The following CFAP54 variants were observed in gnomAD, a reference collection of about 807,000 sequenced individuals.
The protein encoded by CFAP54 is cilia and flagella associated protein 54.
CFAP54 carries 290 observed loss-of-function variants against 370.4 expected under a neutral mutation model. That is an observed-to-expected ratio of 0.78 (90% CI 0.71 to 0.86). The LOEUF is 0.86. Among genes scored for constraint, CFAP54 ranks in the 40% least tolerant of loss-of-function variants. The pLI is 0.00. For missense variants in CFAP54, 3,399 were observed against 3,528.7 expected, an observed-to-expected ratio of 0.96 and a Z score of 0.93; for synonymous variants, 1,206 against 1,236.5, an observed-to-expected ratio of 0.98 and a Z score of 0.52.
At chr12:96,874,620 TA>T (rs746672590) in intron 67 of CFAP54, among the ~76,000 whole-genome samples, 55,790 of 69,028 alleles carry the variant, frequency 0.81, 25,197 homozygotes, top group East Asian at 0.89. Context: ...TGCTTTTTTT[TA>T]TTTTTATTTT....
chr12:96,725,073 C>T (rs1957813573), intron 50 of CFAP54, among the ~76,000 whole-genome samples: 1 of 152,186 alleles, frequency 6.6e-6, no homozygotes, highest in Non-Finnish European at 1.5e-5. Flanking sequence ...GTTTTGGTTA[C>T]TGTAGCCTTG....
chr12:96,502,810 A>G (rs1236619289), intron 2 of CFAP54, among the ~76,000 whole-genome samples: 1 of 152,166 alleles, frequency 6.6e-6, no homozygotes, highest in Non-Finnish European at 1.5e-5. Flanking sequence ...GGTTACAGAA[A>G]TGGGGCATCT....
intron 65 of CFAP54, among the ~76,000 whole-genome samples, chr12:96,823,981 G>T (rs1275772504): frequency 6.6e-6 from 1 of 152,158 alleles, no homozygotes; most frequent in Non-Finnish European, 1.5e-5. Context: ...TATAGATGAA[G>T]GAAAATGATG....
intron 34 of CFAP54, among the ~76,000 whole-genome samples, chr12:96,648,580 C>CTTTTTTTTTTT (rs11303164): frequency 1.7e-5 from 1 of 58,666 alleles, no homozygotes; most frequent in Non-Finnish European, 3.0e-5. Flanking sequence ...AAACAGGGTT[C>CTTTTTTTTTTT]TTTTTTTTTT....
intron 4 of CFAP54, among the ~76,000 whole-genome samples, chr12:96,512,311 A>G (rs61940394): frequency 7.3e-5 from 2 of 27,226 alleles, no homozygotes; most frequent in African/African-American, 2.0e-4. Flanking sequence ...TTATATATAT[A>G]TATATATATA....
intron 11 of CFAP54, among the ~76,000 whole-genome samples, chr12:96,534,779 C>T (rs1360844918): frequency 2.6e-5 from 4 of 152,270 alleles, no homozygotes; most frequent in Non-Finnish European, 4.4e-5. Flanking sequence ...TATTGCATGG[C>T]TTATCAGTTG....
intron 60 of CFAP54, among the ~76,000 whole-genome samples, chr12:96,771,692 C>A (rs545521228): frequency 1.6e-3 from 250 of 152,030 alleles, no homozygotes; most frequent in African/African-American, 3.8e-3. Context: ...CAAAAAAAAA[C>A]CCCACTTTAG....
intron 40 of CFAP54, among the ~76,000 whole-genome samples, chr12:96,681,609 A>G (rs1287621591): frequency 1.3e-5 from 2 of 151,672 alleles, no homozygotes; most frequent in African/African-American, 4.8e-5. Context: ...TGTCTTGCCC[A>G]GGCTGGAGTG....
chr12:96,857,808 C>G (rs1099729), intron 66 of CFAP54, among the ~76,000 whole-genome samples: 1 of 152,170 alleles, frequency 6.6e-6, no homozygotes, highest in South Asian at 2.1e-4. Context: ...GCCATAATTA[C>G]AAGTTTCCTG....
chr12:96,728,726 G>A (rs964631745), intron 50 of CFAP54, among the ~76,000 whole-genome samples: 2 of 152,192 alleles, frequency 1.3e-5, no homozygotes, highest in Admixed American at 6.5e-5. Context: ...GTGAGTAACT[G>A]TGTTCCTTTG....
intron 44 of CFAP54, among the ~76,000 whole-genome samples, chr12:96,693,424 A>G (rs1957409261): frequency 6.6e-6 from 1 of 152,198 alleles, no homozygotes; most frequent in South Asian, 2.1e-4. Flanking sequence ...TTTTCAAGGA[A>G]GATAATTGAT....
intron 26 of CFAP54, among the ~76,000 whole-genome samples, chr12:96,607,359 C>T (rs1192361237): frequency 6.6e-6 from 1 of 151,626 alleles, no homozygotes; most frequent in Non-Finnish European, 1.5e-5. Flanking sequence ...GCAGAGAGCA[C>T]TTTTAAGGAG....
chr12:96,635,839 G>C (rs1480284336), intron 32 of CFAP54, among the ~76,000 whole-genome samples: 2 of 152,154 alleles, frequency 1.3e-5, no homozygotes, highest in Non-Finnish European at 2.9e-5. Context: ...CATACCAAGG[G>C]CAAAGTCCAG....
chr12:96,848,663 A>G (rs1393503709), intron 66 of CFAP54, among the ~76,000 whole-genome samples: 4 of 152,146 alleles, frequency 2.6e-5, no homozygotes, highest in African/African-American at 9.6e-5. Flanking sequence ...GCACCACTGC[A>G]CTCCAGCCTG....
At chr12:96,674,442 G>A (rs718909) in intron 39 of CFAP54, among the ~76,000 whole-genome samples, 132,838 of 150,878 alleles carry the variant, frequency 0.88, 58,664 homozygotes, top group East Asian at 0.96. Context: ...ATCCATGGAC[G>A]TTTTCAGAGA....
chr12:96,503,219 CT>C lies in CFAP54; in HGVS notation c.424-659del, dbSNP rs200160539. ...TCTTTCTCTTTCTTCCTTTCCTTTC[CT>C]TTTTTTTCCTTCCTTTCTTTCTCTC... On this transcript the variant is annotated intron_variant, in intron 2 of 67. Coordinates refer to ENST00000524981, the MANE Select transcript of CFAP54 (RefSeq NM_001306084.2). Among the ~76,000 whole-genome samples, 1,060 of 133,572 alleles carry C rather than the reference CT, an allele frequency of 7.9e-3. 15 individuals are homozygous for C. In the East Asian group the frequency reaches 0.099, roughly 12 times the overall value. The allele number at this position is 133,572 out of a possible 152,430, so 87.6% of individuals were successfully genotyped here.
At chr12:96,679,882 C>T in intron 40 of CFAP54, 130 bp downstream of exon 40, 1 of 889,760 alleles carries the variant, frequency 1.1e-6, no homozygotes, top group Non-Finnish European at 1.7e-6. Flanking sequence ...TTTCACTTTC[C>T]TCTTGTCCAG....
intron 4 of CFAP54, among the ~76,000 whole-genome samples, chr12:96,512,216 G>T (rs1034595827): frequency 1.3e-5 from 2 of 148,304 alleles, no homozygotes; most frequent in Non-Finnish European, 3.0e-5. Flanking sequence ...TGAGTATTTT[G>T]CCATGCTGAT....
intron 32 of CFAP54, among the ~76,000 whole-genome samples, chr12:96,637,692 G>C (rs1956676169): frequency 6.6e-6 from 1 of 152,074 alleles, no homozygotes; most frequent in Admixed American, 6.6e-5. Context: ...ACCAATTTTT[G>C]AAAAGTTAAC....
Sources: gnomAD v4.1 joint callset for allele counts (sites outside exome capture counted in the v4.1 genomes callset) on GRCh38, gnomAD v4.1.1 for gene constraint, MANE v1.5 for transcripts, NCBI Gene and HGNC (gene_info 2026-07-23, HGNC 2026-07-21) for gene names.